KAZN: variants seen among roughly 807,000 people sequenced by gnomAD.
KAZN encodes the protein kazrin.
A neutral mutation model predicts 87.4 loss-of-function variants in KAZN; 40 were observed. That is an observed-to-expected ratio of 0.46 (90% CI 0.36 to 0.60). The LOEUF is 0.60. Among genes scored for constraint, KAZN ranks in the 20% least tolerant of loss-of-function variants. The pLI is 0.00. For synonymous variants in KAZN, 466 were observed against 458.3 expected, an observed-to-expected ratio of 1.02 and a Z score of -0.22; for missense variants, 898 against 1,073.9, an observed-to-expected ratio of 0.84 and a Z score of 2.29.
intron 1 of KAZN, among the ~76,000 whole-genome samples, chr1:13,956,969 G>A (rs1308460418): frequency 6.6e-6 from 1 of 152,154 alleles, no homozygotes; most frequent in African/African-American, 2.4e-5. Context: ...TCTGTATGTT[G>A]GTGGGTAGCT....
At chr1:14,277,807 T>A (rs78368522) in intron 2 of KAZN, among the ~76,000 whole-genome samples, 1 of 152,098 alleles carries the variant, frequency 6.6e-6, no homozygotes, top group Non-Finnish European at 1.5e-5. Context: ...TTTGGAGCAA[T>A]TCCTGGATAT....
intron 1 of KAZN, among the ~76,000 whole-genome samples, chr1:14,066,033 C>T (rs763577484): frequency 1.3e-5 from 2 of 152,108 alleles, no homozygotes; most frequent in Admixed American, 6.5e-5. Context: ...CTCCGTATGC[C>T]TTTGCTACCC....
chr1:14,186,145 A>T (rs1467155823), intron 2 of KAZN, among the ~76,000 whole-genome samples: 2 of 152,124 alleles, frequency 1.3e-5, no homozygotes, highest in Non-Finnish European at 2.9e-5. Flanking sequence ...TTTCGTACCA[A>T]CTGAATATTT....
At chr1:14,780,137 T>C (rs1334525122) in intron 1 of KAZN, among the ~76,000 whole-genome samples, 1 of 152,250 alleles carries the variant, frequency 6.6e-6, no homozygotes, top group African/African-American at 2.4e-5. Flanking sequence ...GAACCAATTT[T>C]GAGCTAAACG....
chr1:14,913,830 TG>T (rs1557614715), intron 1 of KAZN, among the ~76,000 whole-genome samples: 2 of 152,090 alleles, frequency 1.3e-5, no homozygotes. Context: ...CCCATAATTA[TG>T]GGGAAAGCAG....
intron 2 of KAZN, among the ~76,000 whole-genome samples, chr1:14,420,763 G>GC (rs1329496985): frequency 1.3e-5 from 2 of 152,098 alleles, no homozygotes; most frequent in Non-Finnish European, 2.9e-5. Flanking sequence ...GCCCCTCACT[G>GC]CCCGGGGCCG....
rs151046179 is a variant in KAZN at position 14,717,830 on chromosome 1, G to A, written c.226+118607G>A. ...CTGGGCTTGGCCAAAAAAAGGTCGG[G>A]CCTTGATGCAATGTGGATGCGCTTC... On this transcript the variant is annotated intron_variant, in intron 1 of 14. Coordinates refer to ENST00000376030, the MANE Select transcript of KAZN (RefSeq NM_201628.3). Among the ~76,000 whole-genome samples, 381 of 152,292 alleles carry A rather than the reference G, an allele frequency of 2.5e-3. 1 individual carries two copies. The highest frequency in any genetic ancestry group is 8.5e-3 in the African/African-American group (354 of 41,566).
At chr1:14,388,820 A>G (rs897960243) in intron 2 of KAZN, among the ~76,000 whole-genome samples, 2 of 152,330 alleles carry the variant, frequency 1.3e-5, no homozygotes, top group South Asian at 4.1e-4. Context: ...TCCCACAAGC[A>G]CAGGCAACCA....
Position 14,585,444 on chromosome 1 carries a change from C to G in KAZN, c.250-13539C>G, listed in dbSNP as rs60772868. Among the ~76,000 whole-genome samples the G allele has an allele frequency of 3.7e-3, 568 of 152,262 alleles. 8 individuals carry two copies. The highest frequency in any genetic ancestry group is 0.013 in the African/African-American group (538 of 41,544). On this transcript the variant is annotated intron_variant, in intron 2 of 16. Coordinates refer to the KAZN transcript ENST00000636203. ...ACCTCAGGCCAGGTTCAGGTTTGCT[C>G]CATATGTCTGCATTTCAGAGCTGAA...
chr1:14,392,187 G>A (rs554918733), intron 2 of KAZN, among the ~76,000 whole-genome samples: 67 of 152,312 alleles, frequency 4.4e-4, no homozygotes, highest in African/African-American at 1.4e-3. Context: ...TTCAAAGAGA[G>A]GCTTCCAGAG....
intron 2 of KAZN, among the ~76,000 whole-genome samples, chr1:14,379,345 G>A (rs552105298): frequency 5.9e-5 from 9 of 152,072 alleles, no homozygotes; most frequent in South Asian, 4.2e-4. Context: ...GACTCCTTCC[G>A]ATTGAGAAAA....
chr1:14,149,609 C>T (rs1050361535), intron 1 of KAZN, among the ~76,000 whole-genome samples: 2 of 152,128 alleles, frequency 1.3e-5, no homozygotes, highest in East Asian at 1.9e-4. Flanking sequence ...GTCACCACTA[C>T]GTCATCTGAT....
chr1:14,654,121 T>C (rs963589292), intron 1 of KAZN, among the ~76,000 whole-genome samples: 3 of 152,040 alleles, frequency 2.0e-5, no homozygotes, highest in African/African-American at 7.2e-5. Context: ...CCCCTGTCTC[T>C]ACCAAAAATA....
intron 2 of KAZN, among the ~76,000 whole-genome samples, chr1:14,522,425 G>T (rs1054440021): frequency 3.9e-5 from 6 of 152,284 alleles, no homozygotes; most frequent in Middle Eastern, 3.4e-3. Flanking sequence ...AGCTGCCTCT[G>T]CTCTCCTAAT....
At chr1:14,506,561 C>T (rs1670593554) in intron 2 of KAZN, among the ~76,000 whole-genome samples, 1 of 152,150 alleles carries the variant, frequency 6.6e-6, no homozygotes, top group Admixed American at 6.5e-5. Context: ...GCTTTCTGTG[C>T]CTCAGTCCTT....
At chr1:14,542,802 C>T (rs1345430226) in intron 2 of KAZN, among the ~76,000 whole-genome samples, 2 of 152,170 alleles carry the variant, frequency 1.3e-5, no homozygotes, top group African/African-American at 2.4e-5. Context: ...TGTCGACTCA[C>T]CCCGGGCAAG....
At chr1:13,985,212 AATT>A (rs1638953320) in intron 1 of KAZN, among the ~76,000 whole-genome samples, 1 of 151,868 alleles carries the variant, frequency 6.6e-6, no homozygotes, top group South Asian at 2.1e-4. Flanking sequence ...ATTTTTTTAA[AATT>A]ATTATTATAC....
intron 2 of KAZN, among the ~76,000 whole-genome samples, chr1:14,340,834 T>A (rs1657633049): frequency 6.6e-6 from 1 of 151,768 alleles, no homozygotes; most frequent in African/African-American, 2.4e-5. Flanking sequence ...ATGAGTAAAA[T>A]GAAAATGTTT....
chr1:14,359,226 G>T (rs1221352528), intron 2 of KAZN, among the ~76,000 whole-genome samples: 2 of 152,044 alleles, frequency 1.3e-5, no homozygotes, highest in Non-Finnish European at 2.9e-5. Context: ...TTTTATCAGA[G>T]ACTAGGATTA....
Sources: gnomAD v4.1 joint callset for allele counts (sites outside exome capture counted in the v4.1 genomes callset) on GRCh38, gnomAD v4.1.1 for gene constraint, MANE v1.5 for transcripts, NCBI Gene and HGNC (gene_info 2026-07-23, HGNC 2026-07-21) for gene names.